The following TENM4 variants were observed in gnomAD, a reference collection of about 807,000 sequenced individuals.
TENM4 encodes the protein teneurin transmembrane protein 4, also known as teneurin-4.
In TENM4, 82 loss-of-function variants were observed where a neutral mutation model predicts 243.3. That is an observed-to-expected ratio of 0.34 (90% CI 0.28 to 0.40). TENM4 has a LOEUF of 0.40. Among genes scored for constraint, TENM4 ranks in the 10% least tolerant of loss-of-function variants. The pLI, the probability that TENM4 is intolerant of heterozygous loss-of-function variation, is 1.00. For synonymous variants in TENM4, 1,412 were observed against 1,456.3 expected, an observed-to-expected ratio of 0.97 and a Z score of 0.69; for missense variants, 3,138 against 3,673.3, an observed-to-expected ratio of 0.85 and a Z score of 3.77.
intron 2 of TENM4, among the ~76,000 whole-genome samples, chr11:79,246,941 A>G (rs1428163095): frequency 6.6e-6 from 1 of 151,412 alleles, no homozygotes; most frequent in Admixed American, 6.6e-5. Context: ...GTTGGACAGT[A>G]CATGTATGTG....
chr11:78,670,615 AC>A (rs1213942908), intron 31 of TENM4, 64 bp from the exon 32 acceptor site: 1 of 1,457,750 alleles, frequency 6.9e-7, no homozygotes, highest in Non-Finnish European at 9.3e-7. Context: ...AGGTCTACAT[AC>A]CCGAGACTTA....
intron 22 of TENM4, among the ~76,000 whole-genome samples, chr11:78,727,319 C>T (rs777999168): frequency 6.6e-6 from 1 of 151,610 alleles, no homozygotes; most frequent in South Asian, 2.1e-4. Flanking sequence ...TGGTGGTGGG[C>T]GCCTGTAGTC....
In TENM4 at chr11:78,738,537, T is replaced by G; in HGVS notation, c.2790A>C (p.Thr930=). The change falls in exon 20 of 34, where the codon ACA becomes ACC. Residue 930 remains threonine (T), a synonymous_variant. Coordinates refer to ENST00000278550, the MANE Select transcript of TENM4 (RefSeq NM_001098816.3). The stretch of plus-strand genomic sequence containing the variant: ...CACCAACCAGGGGGGTTCCATCTGA[T>G]GTCATCACTTGGCCACGAATAACAC... ...HACVIRGQVM[T]SDGTPLVGVN... 6.2e-7 allele frequency: 1 copy of G among 1,613,892 alleles called. No individual in the cohort carries two copies. The highest frequency in any genetic ancestry group is 8.5e-7 in the Non-Finnish European group (1 of 1,179,832).
chr11:78,874,566 G>T (rs1310170830), intron 9 of TENM4, among the ~76,000 whole-genome samples: 1 of 152,048 alleles, frequency 6.6e-6, no homozygotes, highest in African/African-American at 2.4e-5. Context: ...ACATAAACAA[G>T]GTAGAAAAGA....
chr11:79,057,699 A>G (rs1859976673), intron 6 of TENM4, among the ~76,000 whole-genome samples: 1 of 152,204 alleles, frequency 6.6e-6, no homozygotes, highest in Non-Finnish European at 1.5e-5. Flanking sequence ...AGTATTTAAA[A>G]CAGTGCCTGG....
chr11:78,950,748 T>A (rs1356496299), intron 6 of TENM4, among the ~76,000 whole-genome samples: 2 of 152,252 alleles, frequency 1.3e-5, no homozygotes, highest in African/African-American at 2.4e-5. Flanking sequence ...GTAGGTATTA[T>A]TAATATTATC....
intron 4 of TENM4, among the ~76,000 whole-genome samples, chr11:79,113,149 C>A (rs2137110808): frequency 6.6e-6 from 1 of 152,222 alleles, no homozygotes; most frequent in East Asian, 1.9e-4. Flanking sequence ...TTTGTTTTAT[C>A]ATCCCTTCAA....
At chr11:79,305,151 A>T (rs931167268) in intron 1 of TENM4, among the ~76,000 whole-genome samples, 2 of 152,232 alleles carry the variant, frequency 1.3e-5, no homozygotes, top group African/African-American at 4.8e-5. Context: ...GAGTGAAAAG[A>T]GCATGGGCCT....
intron 1 of TENM4, among the ~76,000 whole-genome samples, chr11:79,354,301 AGTGTCCT>A (rs1857462895): frequency 6.6e-6 from 1 of 152,214 alleles, no homozygotes; most frequent in Non-Finnish European, 1.5e-5. Context: ...AACCCTACCC[AGTGTCCT>A]GATTAATGCA....
At chr11:78,989,722 C>T (rs538081087) in intron 6 of TENM4, among the ~76,000 whole-genome samples, 2 of 152,222 alleles carry the variant, frequency 1.3e-5, no homozygotes, top group Non-Finnish European at 2.9e-5. Flanking sequence ...AGCAGCAGTG[C>T]TTAATGAATG....
At chr11:78,973,818 G>A (rs111806710) in intron 6 of TENM4, among the ~76,000 whole-genome samples, 2,435 of 151,660 alleles carry the variant, frequency 0.016, 53 homozygotes, top group African/African-American at 0.047. Flanking sequence ...AAAGTTGATG[G>A]CATGGGCGTG....
chr11:78,698,263 G>T (rs552242336), intron 28 of TENM4, among the ~76,000 whole-genome samples: 1 of 152,062 alleles, frequency 6.6e-6, no homozygotes, highest in African/African-American at 2.4e-5. Flanking sequence ...TTAGCCGGGC[G>T]TCGTGGCAGA....
chr11:78,972,101 C>T (rs1249705289), intron 6 of TENM4, among the ~76,000 whole-genome samples: 2 of 152,114 alleles, frequency 1.3e-5, no homozygotes. Flanking sequence ...TCAAGTAACA[C>T]ATTGTGAATA....
chr11:79,256,967 C>T (rs545838910), intron 2 of TENM4, among the ~76,000 whole-genome samples: 2 of 152,292 alleles, frequency 1.3e-5, no homozygotes, highest in East Asian at 3.9e-4. Flanking sequence ...GGATCAGTGA[C>T]AAAGTCTTCC....
At chr11:79,002,335 A>G (rs139929522) in intron 6 of TENM4, among the ~76,000 whole-genome samples, 296 of 152,346 alleles carry the variant, frequency 1.9e-3, no homozygotes, top group Non-Finnish European at 3.1e-3. Flanking sequence ...TGCTACAGCT[A>G]CTGACATGTG....
intron 9 of TENM4, among the ~76,000 whole-genome samples, chr11:78,885,137 C>T (rs1193900572): frequency 1.3e-5 from 2 of 152,182 alleles, no homozygotes; most frequent in African/African-American, 4.8e-5. Flanking sequence ...GCAGTACAAG[C>T]TTCAGGGTCT....
chr11:78,973,955 C>T (rs947341173), intron 6 of TENM4, among the ~76,000 whole-genome samples: 1 of 151,928 alleles, frequency 6.6e-6, no homozygotes, highest in Non-Finnish European at 1.5e-5. Flanking sequence ...GAGGGCCCCA[C>T]AACTGCAAAG....
chr11:79,173,621 A>C (rs567295039), intron 3 of TENM4, among the ~76,000 whole-genome samples: 1 of 152,204 alleles, frequency 6.6e-6, no homozygotes, highest in Non-Finnish European at 1.5e-5. Flanking sequence ...CAACACGCTT[A>C]GGACTTAGGT....
chr11:79,389,437 G>A (rs1430194436), intron 1 of TENM4, among the ~76,000 whole-genome samples: 3 of 152,224 alleles, frequency 2.0e-5, no homozygotes, highest in African/African-American at 4.8e-5. Context: ...GATTACAGGT[G>A]TGAGCCACTG....
Sources: allele counts gnomAD v4.1 joint callset (sites outside exome capture counted in the v4.1 genomes callset), GRCh38; gene constraint gnomAD v4.1.1; transcripts MANE v1.5; gene names NCBI Gene and HGNC (gene_info 2026-07-23, HGNC 2026-07-21).